Variants in CD247 observed in about 807,000 individuals in gnomAD.
CD247 encodes the protein CD247 molecule.
CD247 carries 13 observed loss-of-function variants against 30.0 expected under a neutral mutation model. The observed-to-expected ratio is 0.43, with a 90% CI of 0.28 to 0.69. CD247 has a LOEUF of 0.69. Among genes scored for constraint, CD247 ranks in the 30% least tolerant of loss-of-function variants. CD247 has a pLI of 0.16. For synonymous variants in CD247, 72 were observed against 80.0 expected (o/e 0.90, Z 0.53); for missense variants, 193 against 212.6 (o/e 0.91, Z 0.57).
chr1:167,440,531 G>A (rs545596868), intron 2 of CD247, 133 bp downstream of exon 2: 3 of 700,846 alleles, frequency 4.3e-6, no homozygotes, highest in Admixed American at 2.0e-5. Context: ...ACACTTGGCT[G>A]GTCCTTGCTT....
At chr1:167,471,601 ATTTTGTTTATGTGT>A (rs1653523788) in intron 1 of CD247, among the ~76,000 whole-genome samples, 2 of 151,908 alleles carry the variant, frequency 1.3e-5, no homozygotes, top group East Asian at 3.9e-4. Flanking sequence ...TTTTGCTTAT[ATTTTGTTTATGTGT>A]TTTAGAGATG....
intron 1 of CD247, among the ~76,000 whole-genome samples, chr1:167,499,954 A>G (rs758591646): frequency 6.6e-6 from 1 of 152,146 alleles, no homozygotes; most frequent in Non-Finnish European, 1.5e-5. Context: ...GTGTGCCATA[A>G]CTGCTCACCT....
intron 1 of CD247, among the ~76,000 whole-genome samples, chr1:167,442,722 C>T (rs1290766311): frequency 6.6e-6 from 1 of 152,032 alleles, no homozygotes; most frequent in Non-Finnish European, 1.5e-5. Flanking sequence ...CGCCAGTGTC[C>T]CCACCCCCAC....
chr1:167,500,827 G>A (rs1654868542), intron 1 of CD247, among the ~76,000 whole-genome samples: 1 of 152,162 alleles, frequency 6.6e-6, no homozygotes, highest in East Asian at 1.9e-4. Context: ...CCCAAGAAAT[G>A]TTTGTGATTT....
At chr1:167,444,810 T>C (rs184062604) in intron 1 of CD247, among the ~76,000 whole-genome samples, 98 of 152,372 alleles carry the variant, frequency 6.4e-4, no homozygotes, top group Admixed American at 7.8e-4. Flanking sequence ...GTCCTTCTTA[T>C]ACACTGTACT....
At chr1:167,476,787 G>A (rs1571563802) in intron 1 of CD247, among the ~76,000 whole-genome samples, 1 of 152,292 alleles carries the variant, frequency 6.6e-6, no homozygotes, top group Non-Finnish European at 1.5e-5. Flanking sequence ...GCAAGAGTGA[G>A]ACTGTGTCTC....
chr1:167,436,990 G>A (rs9660922), intron 4 of CD247, among the ~76,000 whole-genome samples: 48,569 of 152,112 alleles, frequency 0.32, 8,598 homozygotes, highest in South Asian at 0.44. Context: ...TTACCCAAAA[G>A]ATTTGAAGTC....
chr1:167,512,565 C>G (rs1012748992), intron 1 of CD247, among the ~76,000 whole-genome samples: 2 of 152,198 alleles, frequency 1.3e-5, no homozygotes, highest in African/African-American at 4.8e-5. Context: ...CCCAAGTATA[C>G]ACTGCAATGT....
At chr1:167,484,935 G>A (rs1025314841) in intron 1 of CD247, among the ~76,000 whole-genome samples, 2 of 152,226 alleles carry the variant, frequency 1.3e-5, no homozygotes, top group Admixed American at 6.5e-5. Flanking sequence ...ATTCCCTGCT[G>A]CTCTGCTGCC....
intron 1 of CD247, among the ~76,000 whole-genome samples, chr1:167,442,770 A>G (rs1457323859): frequency 6.6e-6 from 1 of 151,636 alleles, no homozygotes; most frequent in Non-Finnish European, 1.5e-5. Context: ...TTTGACTCCA[A>G]CCCTAATTCA....
chr1:167,469,602 C>A (rs74231833), intron 1 of CD247, among the ~76,000 whole-genome samples: 1 of 152,170 alleles, frequency 6.6e-6, no homozygotes, highest in East Asian at 1.9e-4. Context: ...TTTTCAAGAA[C>A]AATGCAGATC....
chr1:167,505,620 A>G (rs1220399489), intron 1 of CD247, among the ~76,000 whole-genome samples: 1 of 152,260 alleles, frequency 6.6e-6, no homozygotes, highest in Non-Finnish European at 1.5e-5. Flanking sequence ...TAGGCAGGTC[A>G]GGGCCTATGG....
intron 1 of CD247, among the ~76,000 whole-genome samples, chr1:167,455,159 A>G (rs1652579438): frequency 6.6e-6 from 1 of 152,308 alleles, no homozygotes; most frequent in East Asian, 1.9e-4. Flanking sequence ...GGGAGAGGAA[A>G]TGCCACTTGG....
At position 167,462,570 on chromosome 1, in the gene CD247, C is replaced by T. The variant is rs147925446; in HGVS notation, c.59-21803G>A. 3.5e-3 allele frequency among the ~76,000 whole-genome samples: 532 copies of T among 152,332 alleles called. 4 individuals carry two copies. Among genetic ancestry groups the T allele is most frequent in the African/African-American group, 0.012 (508 of 41,564 alleles). On this transcript the variant is annotated intron_variant, in intron 1 of 7. Coordinates refer to ENST00000362089, the MANE Select transcript of CD247 (RefSeq NM_198053.3). ...CCAAGGGAGAGAGCTGCACAGGGGGCCTGCCCTGGTCTAAGCCAGAAAAGG... is the reference window on the plus strand; with the variant it reads ...CCAAGGGAGAGAGCTGCACAGGGGGTCTGCCCTGGTCTAAGCCAGAAAAGG...
chr1:167,470,687 G>A (rs1316080239), intron 1 of CD247, among the ~76,000 whole-genome samples: 3 of 151,366 alleles, frequency 2.0e-5, no homozygotes, highest in African/African-American at 7.3e-5. Flanking sequence ...TAGGGTTTGT[G>A]TTTGTTTGAT....
chr1:167,507,723 T>C (rs1052244142), intron 1 of CD247, among the ~76,000 whole-genome samples: 3 of 151,872 alleles, frequency 2.0e-5, no homozygotes, highest in Non-Finnish European at 4.4e-5. Flanking sequence ...ATGGTTCCAA[T>C]GGCTCAGGAG....
At chr1:167,483,807 G>A (rs1467177268) in intron 1 of CD247, among the ~76,000 whole-genome samples, 1 of 152,206 alleles carries the variant, frequency 6.6e-6, no homozygotes, top group Non-Finnish European at 1.5e-5. Flanking sequence ...TTGCAGCAGT[G>A]CCCCTCAGCT....
chr1:167,465,618 A>T (rs1181509065), intron 1 of CD247, among the ~76,000 whole-genome samples: 1 of 152,154 alleles, frequency 6.6e-6, no homozygotes, highest in Non-Finnish European at 1.5e-5. Flanking sequence ...GGCGTGAGCC[A>T]CCGCACCCAG....
chr1:167,507,356 C>A (rs191591581), intron 1 of CD247, among the ~76,000 whole-genome samples: 51 of 152,096 alleles, frequency 3.4e-4, no homozygotes, highest in African/African-American at 1.2e-3. Flanking sequence ...GCCAGGTGAA[C>A]CAGGCCTCTT....
Sources: gnomAD v4.1 joint callset for allele counts (sites outside exome capture counted in the v4.1 genomes callset) on GRCh38, gnomAD v4.1.1 for gene constraint, MANE v1.5 for transcripts, NCBI Gene and HGNC (gene_info 2026-07-23, HGNC 2026-07-21) for gene names.